Variants in NLRP5 observed in about 807,000 individuals in gnomAD.
The protein encoded by NLRP5 is NACHT, LRR and PYD domains-containing protein 5.
In NLRP5, 93 loss-of-function variants were observed where a neutral mutation model predicts 113.1. The ratio of observed to expected loss-of-function variants is 0.82; its 90% CI spans 0.70 to 0.98. The LOEUF (loss-of-function observed/expected upper bound fraction) is 0.98. Among genes scored for constraint, NLRP5 ranks in the 50% least tolerant of loss-of-function variants. The pLI, the probability that NLRP5 is intolerant of heterozygous loss-of-function variation, is 0.00. For synonymous variants in NLRP5, 751 were observed against 600.7 expected, an observed-to-expected ratio of 1.25 and a Z score of -3.66; for missense variants, 1,808 against 1,514.3, an observed-to-expected ratio of 1.19 and a Z score of -3.22.
chr19:56,055,533 CTGT>C (rs1984101285), intron 13 of NLRP5, among the ~76,000 whole-genome samples: 1 of 99,500 alleles, frequency 1.0e-5, no homozygotes, highest in African/African-American at 3.4e-5. Context: ...TTTTCTTTCT[CTGT>C]CTTTTTTTTT....
At chr19:56,025,516 C>A (rs954713771) in intron 6 of NLRP5, among the ~76,000 whole-genome samples, 10 of 152,126 alleles carry the variant, frequency 6.6e-5, no homozygotes, top group African/African-American at 2.4e-4. Context: ...TGACTTTCTC[C>A]TGCCTCAGCC....
In NLRP5 at chr19:56,027,834, T is replaced by C. The variant is rs1490012816; in HGVS notation, c.1601T>C (p.Met534Thr). Residue 534 changes from methionine (M) to threonine (T), a missense_variant, in exon 7 of 15, where the codon ATG (methionine) becomes ACG (threonine). Met to Thr is a moderately conservative substitution (Grantham distance 81, BLOSUM62 -1). Transcript: ENST00000390649. Reference sequence around the variant, plus strand: ...GTTGTCCTGAAGCGCTTCTGCCGTATGGCTGTGGAGGGAGTGTGGAATAGG... The same window carrying C: ...GTTGTCCTGAAGCGCTTCTGCCGTACGGCTGTGGAGGGAGTGTGGAATAGG... 6.2e-7 allele frequency: 1 copy of C among 1,613,882 alleles called. No individual in the cohort carries two copies. Among genetic ancestry groups the C allele is most frequent in the East Asian group, 2.2e-5 (1 of 44,898 alleles).
chr19:56,023,566 G>A (rs533916093), intron 6 of NLRP5, among the ~76,000 whole-genome samples: 7 of 152,108 alleles, frequency 4.6e-5, no homozygotes, highest in Non-Finnish European at 7.4e-5. Context: ...TGTAGACATC[G>A]TGTTAGATAT....
intron 2 of NLRP5, among the ~76,000 whole-genome samples, chr19:56,005,818 G>C (rs576772458): frequency 6.6e-6 from 1 of 152,184 alleles, no homozygotes; most frequent in Non-Finnish European, 1.5e-5. Context: ...GGTTTATCAA[G>C]TCAGCACTGC....
intron 13 of NLRP5, among the ~76,000 whole-genome samples, chr19:56,054,988 T>TC (rs1568504128): frequency 1.9e-4 from 22 of 117,606 alleles, no homozygotes; most frequent in Admixed American, 1.8e-3. Context: ...TGGGCACCCC[T>TC]CCCCTTTTTT....
chr19:56,032,798 C>T lies in NLRP5; in HGVS notation c.2447+17C>T. 6.3e-7 allele frequency: 1 copy of T among 1,590,392 alleles called. No individual in the cohort carries two copies. ...GACCCTGATGTAAGGCTGCCCGCCC[C>T]CTACGAGAGAATCCCTTCCCATGAC... On this transcript the variant is annotated intron_variant, in intron 8 of 14. Transcript: ENST00000390649.
intron 11 of NLRP5, among the ~76,000 whole-genome samples, chr19:56,041,542 CG>C (rs1439006959): frequency 6.6e-6 from 1 of 152,138 alleles, no homozygotes; most frequent in Non-Finnish European, 1.5e-5. Context: ...CCAACGGCAC[CG>C]TGACTCGTGC....
chr19:55,994,533 G>T, the NLRP5 span, among the ~76,000 whole-genome samples: 1 of 152,132 alleles, frequency 6.6e-6, no homozygotes, highest in Non-Finnish European at 1.5e-5. Flanking sequence ...CAGTAGCTGG[G>T]ATTTCAGGCA....
chr19:56,009,552 C>T (rs1982101227), intron 3 of NLRP5, among the ~76,000 whole-genome samples: 1 of 152,030 alleles, frequency 6.6e-6, no homozygotes, highest in South Asian at 2.1e-4. Context: ...TCATGCCAGC[C>T]ACTGCTCTGC....
In NLRP5 at chr19:56,049,698, AT is replaced by A. The variant is rs955427812; in HGVS notation, c.2958-711del. ...CTAAAAATGTGTCTAAAGTTTCCTG[AT>A]TTTTTTTTATTGTTTTTAAGCTATT... On this transcript the variant is annotated intron_variant, in intron 11 of 14. Transcript: ENST00000390649. Among the ~76,000 whole-genome samples the A allele has an allele frequency of 8.5e-4, 129 of 151,742 alleles. 1 individual carries two copies. The highest frequency in any genetic ancestry group is 2.6e-3 in the African/African-American group (108 of 41,396).
At position 56,058,419 on chromosome 19, in the gene NLRP5, C is replaced by G. The variant is rs1307630049; in HGVS notation, c.3470+9C>G. 6.2e-7 allele frequency: 1 copy of G among 1,604,442 alleles called. No individual in the cohort carries two copies. The highest frequency in any genetic ancestry group is 8.5e-7 in the Non-Finnish European group (1 of 1,174,750). ...AACTTACAGATAATTGGGTAAGTCG[C>G]CAGCAATTGTCTTCTGAGATACAGA... On this transcript the variant is annotated intron_variant, in intron 14 of 14. Transcript: ENST00000390649.
At chr19:56,030,054 C>CAAAAAAAA (rs1555767784) in intron 7 of NLRP5, among the ~76,000 whole-genome samples, 1 of 150,172 alleles carries the variant, frequency 6.7e-6, no homozygotes, top group Non-Finnish European at 1.5e-5. Context: ...GACTCCATCT[C>CAAAAAAAA]AAAAAATAAA....
chr19:56,026,952 T>C lies in NLRP5; in HGVS notation c.719T>C (p.Met240Thr), dbSNP rs1388931144. Residue 240 changes from methionine to threonine, a missense_variant, in exon 7 of 15, where the codon ATG becomes ACG. Coordinates refer to ENST00000390649, the MANE Select transcript of NLRP5 (RefSeq NM_153447.4). Reference sequence around the variant, plus strand: ...ACATGGGACTACAAGAGTCACGTGATGACCAAATTCGCTGAGGAGGAGGAT... The same window carrying C: ...ACATGGGACTACAAGAGTCACGTGACGACCAAATTCGCTGAGGAGGAGGAT... 7 of 1,551,744 alleles carry C rather than the reference T, an allele frequency of 4.5e-6. No individual in the cohort carries two copies. Among genetic ancestry groups the C allele is most frequent in the Admixed American group, 2.0e-5 (1 of 50,992 alleles).
chr19:55,998,114 T>C (rs1304516256), upstream of NLRP5, among the ~76,000 whole-genome samples: 2 of 152,192 alleles, frequency 1.3e-5, no homozygotes, highest in Non-Finnish European at 2.9e-5. Context: ...ACCTTGCCTC[T>C]TTTAATGAAA....
intron 11 of NLRP5, among the ~76,000 whole-genome samples, chr19:56,044,670 T>C (rs147658210): frequency 6.6e-6 from 1 of 152,188 alleles, no homozygotes; most frequent in Non-Finnish European, 1.5e-5. Flanking sequence ...TTCTTTTTGC[T>C]GAGTTTTGCT....
rs1981994008 is a variant in NLRP5 at position 56,007,896 on chromosome 19, C to CGTGTGTGG, written c.443-891_443-890insTGTGTGGG. 3.1e-5 allele frequency among the ~76,000 whole-genome samples: 3 copies of CGTGTGTGG among 97,838 alleles called. 1 individual carries two copies. The highest frequency in any genetic ancestry group is 1.1e-4 in the African/African-American group (3 of 27,928). The allele number at this position is 97,838 out of a possible 152,430, so 64.2% of individuals were successfully genotyped here. On this transcript the variant is annotated intron_variant, in intron 2 of 14. Coordinates refer to ENST00000390649, the MANE Select transcript of NLRP5 (RefSeq NM_153447.4). ...GTGTGTGTGTGTGTGTGTGCGCGTG[C>CGTGTGTGG]GCGCGTGCGTGTGTGTGTGTGTGTG...
intron 11 of NLRP5, among the ~76,000 whole-genome samples, chr19:56,045,579 A>T (rs1296912637): frequency 6.6e-6 from 1 of 151,948 alleles, no homozygotes; most frequent in Admixed American, 6.6e-5. Context: ...AACAGGCCCC[A>T]GTGTGTGATG....
intron 12 of NLRP5, among the ~76,000 whole-genome samples, chr19:56,051,440 A>G (rs2637110): frequency 0.55 from 83,905 of 151,854 alleles, 23,305 homozygotes; most frequent in Middle Eastern, 0.65. Context: ...CAATCCACCC[A>G]CTTTGGCCTC....
chr19:56,055,537 CTTTTTTTTT>C (rs1160965587), intron 13 of NLRP5, among the ~76,000 whole-genome samples: 9 of 76,462 alleles, frequency 1.2e-4, no homozygotes, highest in African/African-American at 2.6e-4. Flanking sequence ...CTTTCTCTGT[CTTTTTTTTT>C]TTTTTTTTTT....
Sources: gnomAD v4.1 joint callset for allele counts (sites outside exome capture counted in the v4.1 genomes callset) on GRCh38, gnomAD v4.1.1 for gene constraint, MANE v1.5 for transcripts, NCBI Gene and HGNC (gene_info 2026-07-23, HGNC 2026-07-21) for gene names.